Variants in TG observed in about 807,000 individuals in gnomAD.
TG encodes thyroglobulin.
TG carries 270 observed loss-of-function variants against 324.7 expected under a neutral mutation model. That is an observed-to-expected ratio of 0.83 (90% CI 0.75 to 0.92). The LOEUF is 0.92. Among genes scored for constraint, TG ranks in the 40% least tolerant of loss-of-function variants. The pLI is 0.00. For missense variants in TG, 3,591 were observed against 3,456.4 expected, an observed-to-expected ratio of 1.04 and a Z score of -0.98; for synonymous variants, 1,401 against 1,327.0, an observed-to-expected ratio of 1.06 and a Z score of -1.21.
chr8:133,071,248 A>G (rs937980273), intron 41 of TG, among the ~76,000 whole-genome samples: 2 of 152,206 alleles, frequency 1.3e-5, no homozygotes, highest in Non-Finnish European at 2.9e-5. Context: ...ATGCATCATT[A>G]CGCTGAGGCC....
chr8:132,965,150 T>G (rs1418298834), intron 29 of TG, among the ~76,000 whole-genome samples: 1 of 152,094 alleles, frequency 6.6e-6, no homozygotes, highest in Non-Finnish European at 1.5e-5. Context: ...AGATGAAGGC[T>G]GGGGAGGCAA....
intron 35 of TG, among the ~76,000 whole-genome samples, chr8:132,990,583 C>T (rs1414784373): frequency 6.6e-6 from 1 of 152,174 alleles, no homozygotes; most frequent in Non-Finnish European, 1.5e-5. Flanking sequence ...CTCCCCCTCC[C>T]TCTGATCTTC....
At chr8:133,082,943 C>A (rs1019116451) in intron 41 of TG, among the ~76,000 whole-genome samples, 8 of 152,196 alleles carry the variant, frequency 5.3e-5, no homozygotes, top group Non-Finnish European at 1.2e-4. Flanking sequence ...TTATAACCGA[C>A]TAGATGGGTG....
chr8:132,906,511 G>A (rs896822592), intron 16 of TG, among the ~76,000 whole-genome samples, 177 bp from the exon 17 acceptor site: 4 of 152,038 alleles, frequency 2.6e-5, no homozygotes, highest in Non-Finnish European at 4.4e-5. Context: ...CAAGTAGAGG[G>A]CAGGGCAGAG....
chr8:132,871,414 C>T lies in TG; in HGVS notation c.341C>T (p.Thr114Ile). The change falls in exon 4 of 48, where the codon ACC (threonine) becomes ATC (isoleucine). Residue 114 changes from threonine to isoleucine, a missense_variant. By Grantham distance (89) the Thr-to-Ile change is moderately conservative (BLOSUM62 -1). Coordinates refer to ENST00000220616, the MANE Select transcript of TG (RefSeq NM_003235.5). ...AGTGGCTACATTAACAGCACAGACA[C>T]CTCCTACCTCCCTCAGTGTCAGGAT... ...LLSGYINSTD[T>I]SYLPQCQDSG... 1 of 1,614,220 alleles carries T rather than the reference C, an allele frequency of 6.2e-7. No individual in the cohort carries two copies. Among genetic ancestry groups the T allele is most frequent in the Non-Finnish European group, 8.5e-7 (1 of 1,180,034 alleles).
rs1429018505 is a variant in TG, at chr8:133,037,046, T to C, written c.7239+7023T>C. 4 of 152,348 alleles carry C rather than the reference T, an allele frequency of 2.6e-5. No homozygotes were observed. In the East Asian group the frequency reaches 5.8e-4, roughly 22 times the overall value. The allele number at this position is 152,348 out of a possible 1,614,324, so 9.4% of individuals were successfully genotyped here. ...TGTATAAACACACTAGAATCTATGA[T>C]ACAGAAAACTGTGTAACTGCACATA... On this transcript the variant is annotated intron_variant, in intron 41 of 47. Transcript: ENST00000220616.
chr8:132,898,695 A>T, intron 13 of TG, 103 bp from the exon 14 acceptor site: 1 of 931,132 alleles, frequency 1.1e-6, no homozygotes, highest in Non-Finnish European at 1.7e-6. Context: ...GAGCACCTGC[A>T]TTCACCCAGG....
At position 133,116,732 on chromosome 8, in the gene TG, G is replaced by A. The variant is rs749139589; in HGVS notation, c.7862+16G>A. The stretch of plus-strand genomic sequence containing the variant: ...GCCATGGCAGGTAAGACGCTGCAGG[G>A]AAGCAGAGAAAGGAAGGTAAAACCG... On this transcript the variant is annotated intron_variant, in intron 45 of 47. Transcript: ENST00000220616. The A allele has an allele frequency of 2.7e-5, 43 of 1,608,052 alleles. No individual in the cohort carries two copies. The highest frequency in any genetic ancestry group is 5.1e-6 in the Non-Finnish European group (6 of 1,174,576).
chr8:133,003,031 G>T, intron 35 of TG: 1 of 1,048,332 alleles, frequency 9.5e-7, no homozygotes, highest in South Asian at 3.5e-5. Context: ...AAAAGGCTTG[G>T]AGAACATACC....
intron 41 of TG, among the ~76,000 whole-genome samples, chr8:133,078,475 C>G (rs903389280): frequency 6.6e-6 from 1 of 152,320 alleles, no homozygotes; most frequent in East Asian, 1.9e-4. Flanking sequence ...CCATACTGTT[C>G]CTCAGTGATT....
At chr8:133,097,404 G>A (rs901094983) in intron 43 of TG, among the ~76,000 whole-genome samples, 2 of 152,132 alleles carry the variant, frequency 1.3e-5, no homozygotes, top group African/African-American at 4.8e-5. Flanking sequence ...GCAAAAAATT[G>A]GAAGCAACTC....
At chr8:132,930,036 T>A (rs1156641323) in intron 23 of TG, among the ~76,000 whole-genome samples, 3 of 152,198 alleles carry the variant, frequency 2.0e-5, no homozygotes, top group African/African-American at 7.2e-5. Context: ...GTGTCTATTT[T>A]TGCCATTTTA....
At chr8:132,963,148 A>G in intron 29 of TG, 74 bp downstream of exon 29, 2 of 1,360,126 alleles carry the variant, frequency 1.5e-6, no homozygotes, top group Non-Finnish European at 2.1e-6. Flanking sequence ...CAAGAGTTTA[A>G]TCAATGAACG....
intron 41 of TG, among the ~76,000 whole-genome samples, chr8:133,067,852 GAGAAAGAAAGAA>G (rs57930573): frequency 4.6e-5 from 6 of 131,568 alleles, no homozygotes; most frequent in African/African-American, 1.9e-4. Flanking sequence ...CAGAGAGAGA[GAGAAAGAAAGAA>G]AGAAAGGAAG....
At chr8:133,002,333 A>T (rs1833598063) in intron 35 of TG, 3 of 985,364 alleles carry the variant, frequency 3.0e-6, no homozygotes, top group Non-Finnish European at 3.6e-6. Context: ...TTCTTCCATG[A>T]TGATTTAGTT....
intron 41 of TG, among the ~76,000 whole-genome samples, chr8:133,046,190 A>G (rs1028690241): frequency 6.6e-6 from 1 of 152,198 alleles, no homozygotes; most frequent in Non-Finnish European, 1.5e-5. Flanking sequence ...GGAGTAGAAA[A>G]CACCCAAGAG....
intron 41 of TG, among the ~76,000 whole-genome samples, chr8:133,044,545 A>G (rs1382174265): frequency 6.6e-6 from 1 of 152,196 alleles, no homozygotes; most frequent in African/African-American, 2.4e-5. Context: ...CAGCGAAGAC[A>G]GGTAGCCACT....
chr8:133,045,387 C>CTTTTTTTTTTTT (rs5895172), intron 41 of TG, among the ~76,000 whole-genome samples: 4 of 65,868 alleles, frequency 6.1e-5, no homozygotes, highest in Non-Finnish European at 7.7e-5. Flanking sequence ...ATCCTCTTTG[C>CTTTTTTTTTTTT]TTTTTTTTTT....
intron 23 of TG, among the ~76,000 whole-genome samples, chr8:132,932,563 T>C (rs1189320322): frequency 6.6e-6 from 1 of 152,224 alleles, no homozygotes; most frequent in Non-Finnish European, 1.5e-5. Flanking sequence ...TAATGATAAA[T>C]GTGTAAGTGT....
Sources: gnomAD v4.1 joint callset for allele counts (sites outside exome capture counted in the v4.1 genomes callset) on GRCh38, gnomAD v4.1.1 for gene constraint, MANE v1.5 for transcripts, NCBI Gene and HGNC (gene_info 2026-07-23, HGNC 2026-07-21) for gene names.